The following SPCS2 variants were observed in gnomAD, a reference collection of about 807,000 sequenced individuals.
SPCS2 encodes the protein signal peptidase complex subunit 2, also known as SPase 25 kDa subunit.
SPCS2 carries 3 observed loss-of-function variants against 22.3 expected under a neutral mutation model. That is an observed-to-expected ratio of 0.13 (90% CI 0.06 to 0.35). The LOEUF is 0.35. SPCS2 is among the 10% of genes least tolerant of loss of function. The pLI, the probability that SPCS2 is intolerant of heterozygous loss-of-function variation, is 1.00. For missense variants in SPCS2, 169 were observed against 280.9 expected (o/e 0.60, Z 2.85); for synonymous variants, 67 against 97.2 (o/e 0.69, Z 1.83).
At chr11:74,969,151 G>A (rs1189896369) in intron 3 of SPCS2, among the ~76,000 whole-genome samples, 2 of 152,142 alleles carry the variant, frequency 1.3e-5, no homozygotes, top group Admixed American at 1.3e-4. Flanking sequence ...AACTATTTGG[G>A]TCACTTTTCT....
Position 74,969,557 on chromosome 11 carries a change from A to G in SPCS2, c.360-8A>G, listed in dbSNP as rs1948568633. 6.2e-7 allele frequency: 1 copy of G among 1,612,312 alleles called. No individual in the cohort carries two copies. The highest frequency in any genetic ancestry group is 1.1e-5 in the South Asian group (1 of 90,898). ...GTTTGGGTATTTTCCCCTTAACTTT[A>G]TTTGAACCTATTTTGTGATGATGGG... On this transcript the variant is annotated splice_region_variant and splice_polypyrimidine_tract_variant and intron_variant, in intron 3 of 4. Transcript: ENST00000263672.
intron 1 of SPCS2, among the ~76,000 whole-genome samples, chr11:74,958,755 C>G (rs990053342): frequency 2.0e-5 from 3 of 152,036 alleles, no homozygotes; most frequent in African/African-American, 7.2e-5. Flanking sequence ...TATAACTAGT[C>G]TGTTACTAAG....
chr11:74,955,333 TGATGAATG>T (rs1482885061), intron 1 of SPCS2, among the ~76,000 whole-genome samples: 2 of 152,208 alleles, frequency 1.3e-5, no homozygotes, highest in Non-Finnish European at 2.9e-5. Flanking sequence ...GTCTGTCAGC[TGATGAATG>T]GATAAATGCA....
intron 1 of SPCS2, among the ~76,000 whole-genome samples, chr11:74,962,884 T>A (rs1421310800): frequency 1.3e-5 from 2 of 152,234 alleles, no homozygotes; most frequent in Non-Finnish European, 2.9e-5. Flanking sequence ...TTTCAATACA[T>A]TGTAATGGCT....
intron 1 of SPCS2, among the ~76,000 whole-genome samples, chr11:74,963,275 G>A (rs1444609198): frequency 6.6e-6 from 1 of 152,098 alleles, no homozygotes; most frequent in Admixed American, 6.6e-5. Context: ...AGTGCAGTAT[G>A]CTGCCATGAG....
At chr11:74,970,364 A>G (rs568758) in intron 4 of SPCS2, among the ~76,000 whole-genome samples, 61,510 of 152,020 alleles carry the variant, frequency 0.4, 13,285 homozygotes, top group Middle Eastern at 0.5. Context: ...ATTCTGCTAA[A>G]TGCATTATCT....
intron 1 of SPCS2, among the ~76,000 whole-genome samples, chr11:74,955,851 A>AATATATATATAT (rs60855711): frequency 0.022 from 1,206 of 55,472 alleles, 133 homozygotes; most frequent in Non-Finnish European, 0.033. Flanking sequence ...TACTAATTAA[A>AATATATATATAT]ATATATATAT....
intron 1 of SPCS2, among the ~76,000 whole-genome samples, chr11:74,951,087 T>C (rs531500586): frequency 6.6e-6 from 1 of 152,372 alleles, no homozygotes; most frequent in East Asian, 1.9e-4. Flanking sequence ...CAGTATAGAA[T>C]ACTATTATTA....
At chr11:74,962,562 A>C (rs546592593) in intron 1 of SPCS2, among the ~76,000 whole-genome samples, 2 of 150,550 alleles carry the variant, frequency 1.3e-5, no homozygotes, top group Admixed American at 6.6e-5. Flanking sequence ...AAAAAAAAAA[A>C]GATAGCTTTT....
At chr11:74,955,851 AATATATATATATATATATATATATAT>A (rs60855711) in intron 1 of SPCS2, among the ~76,000 whole-genome samples, 1 of 55,594 alleles carries the variant, frequency 1.8e-5, no homozygotes, top group Non-Finnish European at 3.9e-5. Flanking sequence ...TACTAATTAA[AATATATATATATATATATATATATAT>A]ATATATATAT....
chr11:74,954,000 A>G (rs1203284774), intron 1 of SPCS2, among the ~76,000 whole-genome samples: 1 of 152,210 alleles, frequency 6.6e-6, no homozygotes, highest in Admixed American at 6.5e-5. Flanking sequence ...TTTGAGAATT[A>G]GTTAAAATTA....
At chr11:74,963,258 A>G (rs1948524289) in intron 1 of SPCS2, among the ~76,000 whole-genome samples, 1 of 152,208 alleles carries the variant, frequency 6.6e-6, no homozygotes, top group Non-Finnish European at 1.5e-5. Context: ...AGTCTATGGC[A>G]GTCAATAGTG....
intron 4 of SPCS2, 55 bp from the exon 5 acceptor site, chr11:74,976,802 C>T: frequency 1.9e-6 from 3 of 1,606,556 alleles, no homozygotes; most frequent in Non-Finnish European, 2.6e-6. Context: ...CGTATTGTTA[C>T]TGGTTGAATC....
chr11:74,961,079 C>G (rs34033784), intron 1 of SPCS2, among the ~76,000 whole-genome samples: 2,415 of 150,624 alleles, frequency 0.016, 36 homozygotes, highest in Middle Eastern at 0.031. Context: ...GTTCCAGGCT[C>G]TGAGAATACA....
chr11:74,966,355 T>TG lies in SPCS2; in HGVS notation c.359+434dup, dbSNP rs534966026. ...TTTACTTGAAGCTGAGGAGCTGAAC[T>TG]GGAAAGTACTGAGCATGAGATACAA... is the stretch of plus-strand genomic sequence containing the variant. On this transcript the variant is annotated intron_variant, in intron 3 of 4. Transcript: ENST00000263672. Among the ~76,000 whole-genome samples the TG allele has an allele frequency of 1.5e-3, 235 of 152,336 alleles. 1 individual carries two copies. The highest frequency in any genetic ancestry group is 3.4e-3 in the Middle Eastern group (1 of 294).
chr11:74,973,376 G>A (rs562464153), intron 4 of SPCS2, among the ~76,000 whole-genome samples: 1 of 152,202 alleles, frequency 6.6e-6, no homozygotes, highest in East Asian at 1.9e-4. Context: ...TATTCACATA[G>A]ATGGTTATTC....
chr11:74,967,823 A>G (rs1948556176), intron 3 of SPCS2, among the ~76,000 whole-genome samples: 1 of 152,172 alleles, frequency 6.6e-6, no homozygotes, highest in African/African-American at 2.4e-5. Flanking sequence ...AATCCCAGCT[A>G]CTGAGGAAGC....
intron 1 of SPCS2, among the ~76,000 whole-genome samples, chr11:74,960,814 T>C (rs1388689255): frequency 6.6e-6 from 1 of 152,190 alleles, no homozygotes; most frequent in African/African-American, 2.4e-5. Flanking sequence ...AGTGAGATAG[T>C]GTATATAAAA....
chr11:74,961,604 C>T (rs531557344), intron 1 of SPCS2, among the ~76,000 whole-genome samples: 1 of 142,364 alleles, frequency 7.0e-6, no homozygotes, highest in Non-Finnish European at 1.6e-5. Flanking sequence ...TGCAATGGCA[C>T]CATCTCGGCT....
Sources: gnomAD v4.1 joint callset for allele counts (sites outside exome capture counted in the v4.1 genomes callset) on GRCh38, gnomAD v4.1.1 for gene constraint, MANE v1.5 for transcripts, NCBI Gene and HGNC (gene_info 2026-07-23, HGNC 2026-07-21) for gene names.